The following DPP6 variants were observed in gnomAD, a reference collection of about 807,000 sequenced individuals.
DPP6 encodes A-type potassium channel modulatory protein DPP6.
In DPP6, 69 loss-of-function variants were observed where a neutral mutation model predicts 122.6. The observed-to-expected ratio is 0.56, with a 90% CI of 0.46 to 0.69. The LOEUF (loss-of-function observed/expected upper bound fraction) is 0.69, where lower values mean the gene tolerates loss of function less well. DPP6 is among the 30% of genes least tolerant of loss of function. The pLI is 0.00. For synonymous variants in DPP6, 418 were observed against 433.1 expected, an observed-to-expected ratio of 0.97 and a Z score of 0.43; for missense variants, 928 against 1,116.9, an observed-to-expected ratio of 0.83 and a Z score of 2.41.
chr7:154,701,169 G>A (rs1180380935), intron 7 of DPP6, among the ~76,000 whole-genome samples: 1 of 152,148 alleles, frequency 6.6e-6, no homozygotes, highest in African/African-American at 2.4e-5. Flanking sequence ...GAATTAACCT[G>A]CACTCTAGAG....
chr7:154,176,668 T>C (rs10257303), intron 1 of DPP6, among the ~76,000 whole-genome samples: 3,136 of 152,292 alleles, frequency 0.021, 101 homozygotes, highest in African/African-American at 0.073. Context: ...TCCTGGACTC[T>C]CCAATGCGCT....
chr7:153,776,569 CA>C, the DPP6 span, among the ~76,000 whole-genome samples: 1 of 152,074 alleles, frequency 6.6e-6, no homozygotes, highest in Non-Finnish European at 1.5e-5. Context: ...TTGTTAGCAG[CA>C]TGAGAACAGA....
Position 154,876,114 on chromosome 7 carries a change from C to T in DPP6, c.2078+14C>T, listed in dbSNP as rs1200053401. ...GGAGGCCGTGCGGTGAGCACCCGCCCAGGAAGCAGGAGAGGCCGGGAGGGG... is the reference window on the plus strand; with the variant it reads ...GGAGGCCGTGCGGTGAGCACCCGCCTAGGAAGCAGGAGAGGCCGGGAGGGG... On this transcript the variant is annotated intron_variant, in intron 20 of 25. Coordinates refer to ENST00000377770, the MANE Select transcript of DPP6 (RefSeq NM_130797.4). 6.4e-7 allele frequency: 1 copy of T among 1,566,002 alleles called. No individual in the cohort carries two copies.
chr7:154,812,560 G>C (rs1289743239), intron 16 of DPP6, among the ~76,000 whole-genome samples: 2 of 152,114 alleles, frequency 1.3e-5, no homozygotes, highest in African/African-American at 4.8e-5. Context: ...TGGTGGGAAA[G>C]AGGGTGACAG....
intron 1 of DPP6, chr7:154,026,835 CAT>C (rs1232795151): frequency 2.6e-5 from 4 of 152,194 alleles, no homozygotes; most frequent in Non-Finnish European, 5.9e-5. Flanking sequence ...TGTAATCTTT[CAT>C]ATGAGCTTGT....
At chr7:154,621,094 G>C (rs946010632) in intron 5 of DPP6, among the ~76,000 whole-genome samples, 1 of 152,286 alleles carries the variant, frequency 6.6e-6, no homozygotes, top group Non-Finnish European at 1.5e-5. Context: ...AAGAGTTCCT[G>C]TTTCCCAATG....
chr7:154,738,446 C>T (rs758255359), intron 8 of DPP6, among the ~76,000 whole-genome samples: 2 of 152,172 alleles, frequency 1.3e-5, no homozygotes, highest in African/African-American at 2.4e-5. Flanking sequence ...TACATCTGTA[C>T]CCTGGGAGTT....
chr7:154,353,701 A>T (rs943735738), intron 1 of DPP6, among the ~76,000 whole-genome samples: 22 of 152,002 alleles, frequency 1.4e-4, no homozygotes, highest in Non-Finnish European at 2.6e-4. Flanking sequence ...TCAACAAAAG[A>T]CCTCCTGCAC....
At chr7:154,786,081 C>G (rs1797317215) in intron 10 of DPP6, among the ~76,000 whole-genome samples, 1 of 152,168 alleles carries the variant, frequency 6.6e-6, no homozygotes, top group African/African-American at 2.4e-5. Flanking sequence ...GTTGGGGCAA[C>G]TGTTTCCTAG....
At chr7:154,321,764 G>A in intron 1 of DPP6, among the ~76,000 whole-genome samples, 1 of 136,130 alleles carries the variant, frequency 7.3e-6, no homozygotes, top group Admixed American at 7.9e-5. Flanking sequence ...CAGCCTGGGT[G>A]ACAGAGCAAG....
intron 1 of DPP6, among the ~76,000 whole-genome samples, chr7:154,278,000 G>A (rs1804251316): frequency 6.6e-6 from 1 of 152,190 alleles, no homozygotes; most frequent in Non-Finnish European, 1.5e-5. Flanking sequence ...CTCAAGTGAG[G>A]AAGGACCATG....
chr7:154,867,903 G>A, intron 17 of DPP6, 92 bp from the exon 18 acceptor site: 1 of 1,424,102 alleles, frequency 7.0e-7, no homozygotes, highest in Non-Finnish European at 9.3e-7. Context: ...GCTGATGAAA[G>A]CAGCAGTTAC....
rs560965453 is a variant in DPP6 at position 154,165,739 on chromosome 7, G to A, written c.243+112676G>A. Among the ~76,000 whole-genome samples, 198 of 152,210 alleles carry A rather than the reference G, an allele frequency of 1.3e-3. 2 individuals carry two copies. The highest frequency in any genetic ancestry group is 4.7e-3 in the African/African-American group (197 of 41,494). Reference sequence around the variant, plus strand: ...TGGTATCTCATTGTGGTTTTGATTTGCATTTCTCTGATGGCCAGTGATGAT... The same window carrying A: ...TGGTATCTCATTGTGGTTTTGATTTACATTTCTCTGATGGCCAGTGATGAT... On this transcript the variant is annotated intron_variant, in intron 1 of 25. Transcript: ENST00000377770.
At chr7:153,897,731 G>A (rs551280252) in intron 1 of DPP6, among the ~76,000 whole-genome samples, 20 of 152,080 alleles carry the variant, frequency 1.3e-4, no homozygotes, top group Non-Finnish European at 1.0e-4. Flanking sequence ...CATTGCCATC[G>A]TTATCTGTTT....
At chr7:154,181,065 G>A (rs952326563) in intron 1 of DPP6, among the ~76,000 whole-genome samples, 3 of 152,090 alleles carry the variant, frequency 2.0e-5, no homozygotes, top group Non-Finnish European at 2.9e-5. Flanking sequence ...CTTAACTTGC[G>A]ACTTCTCTTA....
chr7:153,889,773 A>G (rs1242579745), intron 1 of DPP6, among the ~76,000 whole-genome samples: 2 of 152,202 alleles, frequency 1.3e-5, no homozygotes, highest in Non-Finnish European at 2.9e-5. Flanking sequence ...AGCCTAGAGA[A>G]TTCTACAGCA....
intron 10 of DPP6, among the ~76,000 whole-genome samples, chr7:154,781,152 A>G (rs1797001353): frequency 6.6e-6 from 1 of 151,988 alleles, no homozygotes; most frequent in African/African-American, 2.4e-5. Flanking sequence ...GTTGATGGAT[A>G]TATGGATGGG....
At chr7:154,883,622 TCA>T (rs138828337) in intron 21 of DPP6, 1,500 of 122,958 alleles carry the variant, frequency 0.012, 190 homozygotes, top group African/African-American at 0.053. Context: ...ATAAACATGC[TCA>T]CACACACACA....
intron 17 of DPP6, among the ~76,000 whole-genome samples, chr7:154,860,906 C>G (rs557557259): frequency 6.6e-6 from 1 of 152,292 alleles, no homozygotes; most frequent in African/African-American, 2.4e-5. Context: ...CCATTTCAGA[C>G]CTGGAGATAA....
Sources: gnomAD v4.1 joint callset for allele counts (sites outside exome capture counted in the v4.1 genomes callset) on GRCh38, gnomAD v4.1.1 for gene constraint, MANE v1.5 for transcripts, NCBI Gene and HGNC (gene_info 2026-07-23, HGNC 2026-07-21) for gene names.